Variants in TMEM69 observed in about 807,000 individuals in gnomAD.
The protein encoded by TMEM69 is transmembrane protein 69, also known as chromosome 1 open reading frame 154.
A neutral mutation model predicts 15.8 loss-of-function variants in TMEM69; 17 were observed. The observed-to-expected ratio is 1.07, with a 90% CI of 0.73 to 1.61. The LOEUF is 1.61. Ranked by LOEUF, TMEM69 falls within the 40% of genes most tolerant of loss-of-function variation. The pLI, the probability that TMEM69 is intolerant of heterozygous loss-of-function variation, is 0.00. For synonymous variants in TMEM69, 80 were observed against 98.6 expected, an observed-to-expected ratio of 0.81 and a Z score of 1.12; for missense variants, 230 against 286.1, an observed-to-expected ratio of 0.80 and a Z score of 1.41.
In TMEM69 at chr1:45,689,854, G is replaced by A. The variant is rs141788812; in HGVS notation, c.-95-1120G>A. 2.7e-3 allele frequency among the ~76,000 whole-genome samples: 410 copies of A among 151,984 alleles called. 2 individuals carry two copies. Among genetic ancestry groups the A allele is most frequent in the African/African-American group, 9.4e-3 (391 of 41,430 alleles). ...CTCCGTCTCAAAAAAAAATTGGCTG[G>A]GCATGGTGGCGTGGCCTGTAGTCCC... On this transcript the variant is annotated intron_variant, in intron 1 of 2. Transcript: ENST00000372025.
At position 45,693,973 on chromosome 1, in the gene TMEM69, G is replaced by A; in HGVS notation, c.*68G>A. On this transcript the variant is annotated 3_prime_UTR_variant, in exon 3 of 3. Coordinates refer to ENST00000372025, the MANE Select transcript of TMEM69 (RefSeq NM_016486.4). ...TGCTGCCCCGTCTGGGAAGTGAGGA[G>A]CGCCTCTGCCTGGCCGCCTGACCAT... 8.9e-7 allele frequency: 1 copy of A among 1,126,866 alleles called. No homozygotes were observed. Among genetic ancestry groups the A allele is most frequent in the Non-Finnish European group, 1.2e-6 (1 of 810,964 alleles). 69.8% of individuals were successfully genotyped at this position (1,126,866 alleles called of 1,614,324 possible).
chr1:45,688,801 C>A (rs930091904), intron 1 of TMEM69, among the ~76,000 whole-genome samples: 2 of 152,062 alleles, frequency 1.3e-5, no homozygotes, highest in Admixed American at 6.5e-5. Context: ...GGATTACTTA[C>A]CTCCCTACTT....
chr1:45,690,493 C>T (rs1569921509), intron 1 of TMEM69, among the ~76,000 whole-genome samples: 1 of 152,132 alleles, frequency 6.6e-6, no homozygotes, highest in African/African-American at 2.4e-5. Context: ...CACAGCAAGA[C>T]TCTTGTCTCA....
chr1:45,689,116 G>C lies in TMEM69; in HGVS notation c.-96+841G>C, dbSNP rs1344844795. Among the ~76,000 whole-genome samples, 4 of 151,762 alleles carry C rather than the reference G, an allele frequency of 2.6e-5. 1 individual carries two copies. In the South Asian group the frequency reaches 6.2e-4, roughly 24 times the overall value. ...GACGGGGGGGAGGTTCACTACGTTG[G>C]CCAGGCTGGTCTCGAACTCCTGACC... On this transcript the variant is annotated intron_variant, in intron 1 of 2. Transcript: ENST00000372025.
chr1:45,693,603 G>C lies in TMEM69; in HGVS notation c.442G>C (p.Ala148Pro). The C allele has an allele frequency of 6.2e-7, 1 of 1,614,158 alleles. No individual in the cohort carries two copies. Among genetic ancestry groups the C allele is most frequent in the Non-Finnish European group, 8.5e-7 (1 of 1,180,030 alleles). Residue 148 changes from alanine (A) to proline (P), a missense_variant, in exon 3 of 3, where the codon GCT (alanine) becomes CCT (proline). Coordinates refer to ENST00000372025, the MANE Select transcript of TMEM69 (RefSeq NM_016486.4). Reference protein sequence around the residue: ...SFLGGIRWGFALPEGSPAKPD... With the variant: ...SFLGGIRWGFPLPEGSPAKPD... ...CTTGGGTGGGATCAGATGGGGTTTT[G>C]CTCTACCAGAAGGTAGTCCAGCCAA...
chr1:45,691,075 C>T lies in TMEM69; in HGVS notation c.7C>T (p.Arg3Cys), dbSNP rs529838228. The change falls in exon 2 of 3, where the codon CGC becomes TGC. Residue 3 changes from arginine (R) to cysteine (C), a missense_variant. Physicochemically the swap from Arg to Cys is radical, Grantham distance 180. Transcript: ENST00000372025. The stretch of plus-strand genomic sequence containing the variant: ...ACTTTCAATAGGGGCCAGTATGCTT[C>T]GCTTCATCCAGAAGTTTTCTCAAGC... The part of the protein sequence containing the change: ML[R>C]FIQKFSQASS... The T allele has an allele frequency of 6.8e-6, 11 of 1,614,158 alleles. No individual in the cohort carries two copies. The highest frequency in any genetic ancestry group is 2.2e-5 in the South Asian group (2 of 91,080).
At chr1:45,692,154 T>A (rs1256909494) in intron 2 of TMEM69, among the ~76,000 whole-genome samples, 2 of 151,698 alleles carry the variant, frequency 1.3e-5, no homozygotes, top group African/African-American at 4.8e-5. Flanking sequence ...CTCAAAAAAA[T>A]AAAAATAAAA....
In TMEM69 at chr1:45,694,034, G is replaced by T; in HGVS notation, c.*129G>T. ...TGACAAGCGCCTCTGCCCGGCCGCT[G>T]TGCAACCTTCCACGTGTGAAGTGAC... On this transcript the variant is annotated 3_prime_UTR_variant, in exon 3 of 3. Coordinates refer to ENST00000372025, the MANE Select transcript of TMEM69 (RefSeq NM_016486.4). 1.7e-6 allele frequency: 1 copy of T among 599,066 alleles called. No homozygotes were observed. The highest frequency in any genetic ancestry group is 2.9e-5 in the East Asian group (1 of 34,558). 37.1% of individuals were successfully genotyped at this position (599,066 alleles called of 1,614,324 possible).
intron 1 of TMEM69, 53 bp from the exon 2 acceptor site, chr1:45,690,921 A>G (rs1202044167): frequency 2.6e-6 from 2 of 759,380 alleles, no homozygotes; most frequent in Non-Finnish European, 4.5e-6. Context: ...CTACTATTTA[A>G]AAATTAATGT....
intron 2 of TMEM69, 46 bp from the exon 3 acceptor site, chr1:45,693,158 A>G (rs372591595): frequency 7.3e-7 from 1 of 1,367,506 alleles, no homozygotes; most frequent in Non-Finnish European, 1.0e-6. Flanking sequence ...CTGATGATAC[A>G]TATATATATT....
Position 45,691,062 on chromosome 1 carries a change from G to C in TMEM69, c.-7G>C. The C allele has an allele frequency of 6.2e-7, 1 of 1,614,124 alleles. No homozygotes were observed. The highest frequency in any genetic ancestry group is 8.5e-7 in the Non-Finnish European group (1 of 1,180,010). On this transcript the variant is annotated 5_prime_UTR_variant, in exon 2 of 3. Transcript: ENST00000372025. ...CTTCCTGAACAAGACTTTCAATAGG[G>C]GCCAGTATGCTTCGCTTCATCCAGA... is the stretch of plus-strand genomic sequence containing the variant.
chr1:45,692,061 C>T (rs748550001), intron 2 of TMEM69, among the ~76,000 whole-genome samples: 6 of 152,058 alleles, frequency 3.9e-5, no homozygotes, highest in Non-Finnish European at 7.4e-5. Context: ...GGCAGAGAAT[C>T]GCTTGAACCT....
In TMEM69 at chr1:45,691,538, G is replaced by GT. The variant is rs1181842137; in HGVS notation, c.42+431dup. Among the ~76,000 whole-genome samples the GT allele has an allele frequency of 2.6e-5, 4 of 150,980 alleles. No individual in the cohort carries two copies. The East Asian group carries it at 7.8e-4, about 29-fold the overall frequency. Reference sequence around the variant, plus strand: ...AGCCTGGGTGACACAGCAAGACGATGTTTAAAAAAAAAAAAAATTGGCTAG... The same window carrying GT: ...AGCCTGGGTGACACAGCAAGACGATGTTTTAAAAAAAAAAAAAATTGGCTAG... On this transcript the variant is annotated intron_variant, in intron 2 of 2. Coordinates refer to ENST00000372025, the MANE Select transcript of TMEM69 (RefSeq NM_016486.4).
chr1:45,689,829 C>G (rs955896616), intron 1 of TMEM69, among the ~76,000 whole-genome samples: 1 of 151,812 alleles, frequency 6.6e-6, no homozygotes, highest in Admixed American at 6.6e-5. Context: ...CAGAGCAAGA[C>G]TCCGTCTCAA....
At position 45,693,500 on chromosome 1, in the gene TMEM69, G is replaced by A; in HGVS notation, c.339G>A (p.Leu113=). The part of the protein sequence containing the change: ...AGLIPFVAPP[L]VMLMTKTYIP... Reference sequence around the variant, plus strand: ...TAATCCCCTTCGTTGCTCCACCACTGGTCATGCTGATGACAAAAACTTATA... The same window carrying A: ...TAATCCCCTTCGTTGCTCCACCACTAGTCATGCTGATGACAAAAACTTATA... Residue 113 remains leucine, a synonymous_variant, in exon 3 of 3, where the codon CTG becomes CTA. Coordinates refer to ENST00000372025, the MANE Select transcript of TMEM69 (RefSeq NM_016486.4). 1 of 1,614,134 alleles carries A rather than the reference G, an allele frequency of 6.2e-7. No individual in the cohort carries two copies. The highest frequency in any genetic ancestry group is 2.2e-5 in the East Asian group (1 of 44,886).
At chr1:45,691,676 C>T (rs375380111) in intron 2 of TMEM69, among the ~76,000 whole-genome samples, 14 of 151,736 alleles carry the variant, frequency 9.2e-5, no homozygotes, top group East Asian at 3.9e-4. Flanking sequence ...CTTGTCTCCA[C>T]GGAAAAATAC....
Position 45,693,677 on chromosome 1 carries a change from A to G in TMEM69, c.516A>G (p.Ser172=), listed in dbSNP as rs533213053. The part of the protein sequence containing the change: ...LASSAAPLFF[S]WFAFLISERL... Reference sequence around the variant, plus strand: ...GCAGTGCAGCTCCTCTTTTCTTTTCATGGTTTGCCTTCCTTATTTCTGAAA... The same window carrying G: ...GCAGTGCAGCTCCTCTTTTCTTTTCGTGGTTTGCCTTCCTTATTTCTGAAA... The change falls in exon 3 of 3, where the codon TCA becomes TCG. Residue 172 remains serine, a synonymous_variant. Transcript: ENST00000372025. 2.5e-6 allele frequency: 4 copies of G among 1,614,012 alleles called. No individual in the cohort carries two copies. Among genetic ancestry groups the G allele is most frequent in the South Asian group, 1.1e-5 (1 of 91,076 alleles).
At chr1:45,688,790 A>C (rs1645321164) in intron 1 of TMEM69, among the ~76,000 whole-genome samples, 1 of 152,128 alleles carries the variant, frequency 6.6e-6, no homozygotes, top group African/African-American at 2.4e-5. Flanking sequence ...TCGGAGGCCC[A>C]GGATTACTTA....
At chr1:45,689,176 G>A (rs1645326430) in intron 1 of TMEM69, among the ~76,000 whole-genome samples, 1 of 151,912 alleles carries the variant, frequency 6.6e-6, no homozygotes, top group African/African-American at 2.4e-5. Flanking sequence ...CCAAACTGCT[G>A]GGCTTACAGG....
Sources: gnomAD v4.1 joint callset for allele counts (sites outside exome capture counted in the v4.1 genomes callset) on GRCh38, gnomAD v4.1.1 for gene constraint, MANE v1.5 for transcripts, NCBI Gene and HGNC (gene_info 2026-07-23, HGNC 2026-07-21) for gene names.